Variants in MALRD1 observed in about 807,000 individuals in gnomAD.
MALRD1 encodes MAM and LDL receptor class A domain containing 1.
MALRD1 carries 247 observed loss-of-function variants against 242.1 expected under a neutral mutation model. That is an observed-to-expected ratio of 1.02 (90% CI 0.92 to 1.13). MALRD1 has a LOEUF of 1.13. Among genes scored for constraint, MALRD1 ranks in the 50% most tolerant of loss-of-function variants. The pLI, the probability that MALRD1 is intolerant of heterozygous loss-of-function variation, is 0.00. For missense variants in MALRD1, 2,989 were observed against 2,533.1 expected (o/e 1.18, Z -3.86); for synonymous variants, 995 against 866.6 (o/e 1.15, Z -2.60).
In MALRD1 at chr10:19,612,805, C is replaced by T. The variant is rs538755933; in HGVS notation, c.6071-3052C>T. Among the ~76,000 whole-genome samples, 3 of 151,912 alleles carry T rather than the reference C, an allele frequency of 2.0e-5. No homozygotes were observed. The East Asian group carries it at 5.9e-4, about 30-fold the overall frequency. ...TTCAAAAAACCAGATCTCATGAGAA[C>T]TCTATTATGAGACAGCACTAGGGGG... On this transcript the variant is annotated intron_variant, in intron 35 of 39. Coordinates refer to ENST00000454679, the MANE Select transcript of MALRD1 (RefSeq NM_001142308.3).
At chr10:19,330,864 A>AG (rs1395289463) in intron 23 of MALRD1, among the ~76,000 whole-genome samples, 1 of 152,208 alleles carries the variant, frequency 6.6e-6, no homozygotes, top group African/African-American at 2.4e-5. Context: ...ACAATTTAAA[A>AG]AAAAAAAACT....
At chr10:19,290,407 G>T (rs371930335) in intron 21 of MALRD1, 20 of 152,256 alleles carry the variant, frequency 1.3e-4, no homozygotes, top group African/African-American at 4.3e-4. Flanking sequence ...GCTCAACTGA[G>T]GTTACCTGGT....
intron 31 of MALRD1, among the ~76,000 whole-genome samples, chr10:19,523,934 C>T (rs1833984794): frequency 6.6e-6 from 1 of 151,942 alleles, no homozygotes; most frequent in Non-Finnish European, 1.5e-5. Flanking sequence ...AATAATTAGT[C>T]TCAAAAGAGA....
chr10:19,380,579 C>T (rs1845794534), intron 26 of MALRD1, among the ~76,000 whole-genome samples: 1 of 152,036 alleles, frequency 6.6e-6, no homozygotes. Context: ...TTCTCTTCCT[C>T]TTACATTTTT....
Position 19,595,207 on chromosome 10 carries a change from G to A in MALRD1, c.5694G>A (p.Val1898=). ...TCTCTTTTTTAGGTCCTGTCCCAGT[G>A]CAGCCATCACCCTGTGAAGCTGATC... is the stretch of plus-strand genomic sequence containing the variant. ...PECVTGGPVP[V]QPSPCEADQF... Residue 1898 remains valine, a synonymous_variant, in exon 34 of 40, where the codon GTG becomes GTA. Transcript: ENST00000454679. 1 of 1,549,692 alleles carries A rather than the reference G, an allele frequency of 6.5e-7. No homozygotes were observed. The highest frequency in any genetic ancestry group is 8.7e-7 in the Non-Finnish European group (1 of 1,146,416).
chr10:19,587,956 C>G (rs1460846942), intron 33 of MALRD1, among the ~76,000 whole-genome samples: 2 of 146,300 alleles, frequency 1.4e-5, no homozygotes, highest in Middle Eastern at 3.3e-3. Context: ...CTTTTAAGAT[C>G]TAGTAGAAAA....
chr10:19,565,729 T>A (rs1195202687), intron 32 of MALRD1, among the ~76,000 whole-genome samples: 2 of 152,210 alleles, frequency 1.3e-5, no homozygotes, highest in Non-Finnish European at 2.9e-5. Context: ...CCAAATTCCC[T>A]TCTGATTGAA....
chr10:19,457,370 C>A (rs1001519591), intron 29 of MALRD1, among the ~76,000 whole-genome samples: 1 of 151,978 alleles, frequency 6.6e-6, no homozygotes, highest in Non-Finnish European at 1.5e-5. Context: ...TTACATAAAG[C>A]GGGTTTATTA....
intron 36 of MALRD1, among the ~76,000 whole-genome samples, chr10:19,628,264 A>G (rs565376368): frequency 3.3e-5 from 5 of 152,270 alleles, no homozygotes; most frequent in East Asian, 1.9e-4. Context: ...TATTCATTCA[A>G]TGTTTTAATA....
At chr10:19,426,320 A>G (rs1273933580) in intron 28 of MALRD1, among the ~76,000 whole-genome samples, 1 of 152,182 alleles carries the variant, frequency 6.6e-6, no homozygotes, top group Non-Finnish European at 1.5e-5. Context: ...TAAAGTAAAT[A>G]TAGATGAATG....
At position 19,450,460 on chromosome 10, in the gene MALRD1, G is replaced by C; in HGVS notation, c.4999G>C (p.Asp1667His). 1 of 1,549,846 alleles carries C rather than the reference G, an allele frequency of 6.5e-7. No individual in the cohort carries two copies. Among genetic ancestry groups the C allele is most frequent in the East Asian group, 2.4e-5 (1 of 40,892 alleles). ...GGACCTGGGAGGAGGAGCTGCAATT[G>C]ATGATATTGAATTTAAAAACTGCAC... Reference protein sequence around the residue: ...TRDLGGGAAIDDIEFKNCTTV... With the variant: ...TRDLGGGAAIHDIEFKNCTTV... The change falls in exon 29 of 40, where the codon GAT (aspartate) becomes CAT (histidine). Residue 1667 changes from aspartate to histidine, a missense_variant. Physicochemically the swap from Asp to His is moderately conservative, Grantham distance 81. Transcript: ENST00000454679.
At chr10:19,196,862 A>G (rs549238580) in intron 14 of MALRD1, among the ~76,000 whole-genome samples, 48 of 152,318 alleles carry the variant, frequency 3.2e-4, no homozygotes, top group Non-Finnish European at 4.7e-4. Context: ...TTTGATATCA[A>G]TTAATCCTGT....
intron 18 of MALRD1, among the ~76,000 whole-genome samples, chr10:19,256,268 A>G (rs943084030): frequency 7.9e-5 from 12 of 152,052 alleles, no homozygotes; most frequent in Admixed American, 3.9e-4. Context: ...TGATTAATTC[A>G]TATTTGTGCC....
chr10:19,476,941 T>C (rs1279064401), intron 29 of MALRD1, among the ~76,000 whole-genome samples: 3 of 150,294 alleles, frequency 2.0e-5, no homozygotes, highest in African/African-American at 7.4e-5. Context: ...AAAAAAAATA[T>C]TTTCTACTGA....
chr10:19,553,357 A>G (rs977622975), intron 32 of MALRD1, among the ~76,000 whole-genome samples: 3 of 152,158 alleles, frequency 2.0e-5, no homozygotes, highest in African/African-American at 7.2e-5. Flanking sequence ...ATCTCATGTT[A>G]TCAATACATT....
chr10:19,568,269 G>T (rs181778376), intron 33 of MALRD1, among the ~76,000 whole-genome samples: 209 of 152,206 alleles, frequency 1.4e-3, no homozygotes, highest in Middle Eastern at 3.4e-3. Flanking sequence ...TTCCCTTACT[G>T]AGTCTTCCAT....
chr10:19,711,770 C>T (rs1405375011), intron 38 of MALRD1, among the ~76,000 whole-genome samples: 1 of 152,198 alleles, frequency 6.6e-6, no homozygotes, highest in African/African-American at 2.4e-5. Context: ...AAGCCAATCA[C>T]TGAGACAACA....
intron 29 of MALRD1, among the ~76,000 whole-genome samples, chr10:19,459,944 C>G (rs960277933): frequency 1.3e-5 from 2 of 151,864 alleles, no homozygotes; most frequent in African/African-American, 4.8e-5. Context: ...CAAATAGAGG[C>G]AACTGTAAAT....
At chr10:19,140,279 A>G (rs1588603997) in intron 10 of MALRD1, among the ~76,000 whole-genome samples, 1 of 152,118 alleles carries the variant, frequency 6.6e-6, no homozygotes, top group African/African-American at 2.4e-5. Flanking sequence ...GTCTGCTCAT[A>G]TGCTGTAGTG....
Sources: allele counts gnomAD v4.1 joint callset (sites outside exome capture counted in the v4.1 genomes callset), GRCh38; gene constraint gnomAD v4.1.1; transcripts MANE v1.5; gene names NCBI Gene and HGNC (gene_info 2026-07-23, HGNC 2026-07-21).